TAS2R1: variants seen among roughly 807,000 people sequenced by gnomAD.
The protein encoded by TAS2R1 is taste 2 receptor member 1, also known as taste receptor type 2 member 1.
For missense variants in TAS2R1, 370 were observed against 353.4 expected (o/e 1.05, Z -0.38); for synonymous variants, 141 against 134.2 (o/e 1.05, Z -0.35).
chr5:9,638,827 T>C (rs1205075222), intron 2 of TAS2R1, among the ~76,000 whole-genome samples: 2 of 152,122 alleles, frequency 1.3e-5, no homozygotes, highest in Admixed American at 1.3e-4. Context: ...GTGGTGGTTC[T>C]CAGGCCAATG....
chr5:9,899,635 TAAA>T, the TAS2R1 span, among the ~76,000 whole-genome samples: 8 of 137,384 alleles, frequency 5.8e-5, no homozygotes, highest in African/African-American at 1.9e-4. Flanking sequence ...AGACTCTGTC[TAAA>T]AAAAAAAAAA....
At chr5:9,696,580 AATAATAGAG>A (rs1741360583) in intron 1 of TAS2R1, among the ~76,000 whole-genome samples, 1 of 151,936 alleles carries the variant, frequency 6.6e-6, no homozygotes, top group African/African-American at 2.4e-5. Flanking sequence ...AAATAAAATA[AATAATAGAG>A]TAAAATAAAA....
the TAS2R1 span, among the ~76,000 whole-genome samples, chr5:9,793,705 GTCTCA>G: frequency 5.9e-5 from 9 of 152,162 alleles, no homozygotes; most frequent in African/African-American, 2.2e-4. Flanking sequence ...GGGGTGCGGG[GTCTCA>G]TTCAGTCAAG....
chr5:9,870,190 G>T, the TAS2R1 span: 1 of 152,060 alleles, frequency 6.6e-6, no homozygotes, highest in South Asian at 2.1e-4. Context: ...CTCTATATTG[G>T]TACTTTCATC....
At chr5:9,805,703 AT>A in the TAS2R1 span, among the ~76,000 whole-genome samples, 1 of 152,108 alleles carries the variant, frequency 6.6e-6, no homozygotes, top group African/African-American at 2.4e-5. Flanking sequence ...GCATCCCTTT[AT>A]AATTAAAACC....
At chr5:9,692,363 A>G (rs1741262829) in intron 1 of TAS2R1, among the ~76,000 whole-genome samples, 1 of 152,302 alleles carries the variant, frequency 6.6e-6, no homozygotes, top group Non-Finnish European at 1.5e-5. Flanking sequence ...ACTTTCAACC[A>G]TGTGCTACAC....
At chr5:9,668,814 A>G (rs1393013754) in intron 1 of TAS2R1, among the ~76,000 whole-genome samples, 1 of 152,150 alleles carries the variant, frequency 6.6e-6, no homozygotes, top group African/African-American at 2.4e-5. Flanking sequence ...AGCACACTTA[A>G]GTACAAAGAC....
At chr5:9,763,490 C>T in the TAS2R1 span, among the ~76,000 whole-genome samples, 1 of 150,836 alleles carries the variant, frequency 6.6e-6, no homozygotes, top group East Asian at 2.0e-4. Context: ...GGTGACAGAG[C>T]GAGACTCCAT....
At chr5:9,831,226 C>A in the TAS2R1 span, among the ~76,000 whole-genome samples, 5 of 151,290 alleles carry the variant, frequency 3.3e-5, no homozygotes, top group East Asian at 2.0e-4. Flanking sequence ...ACGTTATCAA[C>A]AACAGCAAAT....
chr5:9,633,858 A>C (rs1377407257), upstream of TAS2R1, among the ~76,000 whole-genome samples: 1 of 151,880 alleles, frequency 6.6e-6, no homozygotes, highest in East Asian at 1.9e-4. Context: ...TCTTTGTCAG[A>C]TGCATAATTT....
intron 1 of TAS2R1, among the ~76,000 whole-genome samples, chr5:9,678,738 AT>A (rs1483076820): frequency 6.6e-6 from 1 of 152,162 alleles, no homozygotes; most frequent in Non-Finnish European, 1.5e-5. Flanking sequence ...CGATGAGAAC[AT>A]ATGGACACAT....
the TAS2R1 span, among the ~76,000 whole-genome samples, chr5:9,827,313 C>T: frequency 1.3e-5 from 2 of 152,290 alleles, no homozygotes; most frequent in East Asian, 3.9e-4. Flanking sequence ...CGCTGTACAT[C>T]CATTTGTCCT....
intron 2 of TAS2R1, chr5:9,658,699 C>T (rs1338862849): frequency 2.6e-5 from 4 of 152,142 alleles, no homozygotes; most frequent in Non-Finnish European, 5.9e-5. Context: ...TATTGATATG[C>T]TCGTATTTGG....
the TAS2R1 span, among the ~76,000 whole-genome samples, chr5:9,755,325 C>A: frequency 5.8e-4 from 88 of 152,254 alleles, no homozygotes; most frequent in African/African-American, 1.9e-3. Flanking sequence ...TGGTGGCTCA[C>A]GCCTGTAATC....
chr5:9,703,222 A>T (rs776270674), intron 1 of TAS2R1, among the ~76,000 whole-genome samples: 1 of 152,166 alleles, frequency 6.6e-6, no homozygotes, highest in Non-Finnish European at 1.5e-5. Flanking sequence ...AGCCACCAAG[A>T]TTTCATCATG....
chr5:9,796,708 T>A, the TAS2R1 span, among the ~76,000 whole-genome samples: 7 of 64,824 alleles, frequency 1.1e-4, no homozygotes, highest in East Asian at 4.2e-4. Context: ...GCGCAGAAAA[T>A]AGCTATTTTC....
the TAS2R1 span, among the ~76,000 whole-genome samples, chr5:9,850,470 A>G: frequency 6.6e-6 from 1 of 152,236 alleles, no homozygotes; most frequent in Non-Finnish European, 1.5e-5. Flanking sequence ...GGGTGATGGC[A>G]TGCAGCAGAA....
chr5:9,704,232 T>C (rs1047635528), intron 1 of TAS2R1, among the ~76,000 whole-genome samples: 12 of 152,146 alleles, frequency 7.9e-5, no homozygotes, highest in Non-Finnish European at 1.8e-4. Context: ...TAATTTTTGT[T>C]TTATGTTATG....
At chr5:9,851,590 G>A in the TAS2R1 span, among the ~76,000 whole-genome samples, 8,824 of 150,952 alleles carry the variant, frequency 0.058, 621 homozygotes, top group East Asian at 0.23. Flanking sequence ...AAGAAGTGCA[G>A]CATGAACATC....
Sources: allele counts gnomAD v4.1 joint callset (sites outside exome capture counted in the v4.1 genomes callset), GRCh38; gene constraint gnomAD v4.1.1; transcripts MANE v1.5; gene names NCBI Gene and HGNC (gene_info 2026-07-23, HGNC 2026-07-21).